The following ADARB2 variants were observed in gnomAD, a reference collection of about 807,000 sequenced individuals.
The protein encoded by ADARB2 is inactive double-stranded RNA-specific editase B2.
A neutral mutation model predicts 62.2 loss-of-function variants in ADARB2; 25 were observed. The ratio of observed to expected loss-of-function variants is 0.40; its 90% CI spans 0.29 to 0.56. ADARB2 has a LOEUF of 0.56. Among genes scored for constraint, ADARB2 ranks in the 20% least tolerant of loss-of-function variants. ADARB2 has a pLI of 0.43. For missense variants in ADARB2, 1,071 were observed against 1,077.4 expected, an observed-to-expected ratio of 0.99 and a Z score of 0.08; for synonymous variants, 572 against 500.8, an observed-to-expected ratio of 1.14 and a Z score of -1.90.
chr10:1,480,486 CAGG>C (rs1431459948), intron 1 of ADARB2, among the ~76,000 whole-genome samples: 1 of 152,170 alleles, frequency 6.6e-6, no homozygotes, highest in Non-Finnish European at 1.5e-5. Flanking sequence ...GTCACTAGGT[CAGG>C]AGATTGAGAC....
chr10:1,666,473 C>G (rs999394854), intron 1 of ADARB2, among the ~76,000 whole-genome samples: 1 of 152,250 alleles, frequency 6.6e-6, no homozygotes, highest in Non-Finnish European at 1.5e-5. Flanking sequence ...TTCCCCCAAT[C>G]GTGTTCCCGC....
chr10:1,629,542 C>G (rs1833816757), intron 1 of ADARB2, among the ~76,000 whole-genome samples: 1 of 132,308 alleles, frequency 7.6e-6, no homozygotes, highest in African/African-American at 2.8e-5. Context: ...CCCCAGTACT[C>G]AAACCCCCCC....
At chr10:1,327,232 C>A (rs1195945447) in intron 3 of ADARB2, among the ~76,000 whole-genome samples, 2 of 109,400 alleles carry the variant, frequency 1.8e-5, no homozygotes, top group African/African-American at 3.4e-5. Flanking sequence ...CGCCTCCCCA[C>A]GGCACAGCAC....
At chr10:1,374,788 C>T (rs1278322948) in intron 2 of ADARB2, among the ~76,000 whole-genome samples, 2 of 152,218 alleles carry the variant, frequency 1.3e-5, no homozygotes, top group African/African-American at 2.4e-5. Flanking sequence ...GACGGGCTCC[C>T]GGGAGTTAGT....
intron 3 of ADARB2, among the ~76,000 whole-genome samples, chr10:1,355,092 C>T (rs1445463398): frequency 6.6e-6 from 1 of 151,954 alleles, no homozygotes; most frequent in Non-Finnish European, 1.5e-5. Context: ...AGGTATGTGT[C>T]CCTCCCCTGG....
chr10:1,219,505 T>C (rs1475341556), intron 6 of ADARB2, among the ~76,000 whole-genome samples: 1 of 152,230 alleles, frequency 6.6e-6, no homozygotes, highest in Non-Finnish European at 1.5e-5. Context: ...TGTAACCAAC[T>C]AGATACTTGA....
intron 3 of ADARB2, among the ~76,000 whole-genome samples, chr10:1,297,422 C>A (rs546369186): frequency 1.3e-5 from 2 of 152,158 alleles, no homozygotes; most frequent in Non-Finnish European, 2.9e-5. Context: ...GATTTTTAGC[C>A]GTTGAAATGG....
intron 1 of ADARB2, 103 bp from the exon 2 acceptor site, chr10:1,379,263 G>T: frequency 1.1e-6 from 1 of 943,406 alleles, no homozygotes; most frequent in Non-Finnish European, 1.7e-6. Context: ...GGGAGGTGGA[G>T]AGGTCACTTT....
At chr10:1,258,965 C>A (rs1439587049) in intron 4 of ADARB2, among the ~76,000 whole-genome samples, 1 of 152,224 alleles carries the variant, frequency 6.6e-6, no homozygotes, top group Non-Finnish European at 1.5e-5. Context: ...GACCACAGTG[C>A]AATCAAACTG....
At chr10:1,411,948 C>A (rs927708021) in intron 1 of ADARB2, among the ~76,000 whole-genome samples, 5 of 152,196 alleles carry the variant, frequency 3.3e-5, no homozygotes, top group African/African-American at 1.2e-4. Flanking sequence ...TTTAAAACAG[C>A]CTTTACTCAG....
chr10:1,427,914 A>C (rs1215947150), intron 1 of ADARB2, among the ~76,000 whole-genome samples: 1 of 152,182 alleles, frequency 6.6e-6, no homozygotes, highest in Non-Finnish European at 1.5e-5. Flanking sequence ...ATCTGTATAC[A>C]CAACTTAGAT....
intron 1 of ADARB2, among the ~76,000 whole-genome samples, chr10:1,392,609 G>A (rs1440636122): frequency 6.6e-6 from 1 of 152,136 alleles, no homozygotes; most frequent in Non-Finnish European, 1.5e-5. Context: ...AGGTTTTTAG[G>A]AGGAACATGG....
At chr10:1,557,055 A>T in intron 1 of ADARB2, 1 of 356,406 alleles carries the variant, frequency 2.8e-6, no homozygotes, top group South Asian at 2.1e-5. Context: ...CCCTCCTTGG[A>T]AACCTCAGTT....
chr10:1,377,904 C>T (rs1832448544), intron 2 of ADARB2, among the ~76,000 whole-genome samples: 1 of 152,132 alleles, frequency 6.6e-6, no homozygotes, highest in Admixed American at 6.5e-5. Flanking sequence ...CTGGGAAGGG[C>T]TGTGTTTCCC....
At chr10:1,705,064 T>TA (rs573573798) in intron 1 of ADARB2, among the ~76,000 whole-genome samples, 53 of 152,326 alleles carry the variant, frequency 3.5e-4, no homozygotes, top group South Asian at 2.1e-3. Flanking sequence ...ATAATTTCAT[T>TA]AAAAAAATAA....
chr10:1,526,141 G>T (rs1174051740), intron 1 of ADARB2, among the ~76,000 whole-genome samples: 1 of 152,226 alleles, frequency 6.6e-6, no homozygotes, highest in East Asian at 1.9e-4. Context: ...GCAGCAGGGC[G>T]GTCTTGCACT....
rs1031667945 is a variant in ADARB2, at chr10:1,178,741, A to C, written c.*4452T>G. Reference sequence around the variant, plus strand: ...ACCTCCAACCGCGAGCTCTGCAAAAACTGCAGGCGAGGACAGGCTTTGGAG... The same window carrying C: ...ACCTCCAACCGCGAGCTCTGCAAAACCTGCAGGCGAGGACAGGCTTTGGAG... On this transcript the variant is annotated 3_prime_UTR_variant, in exon 10 of 10. Coordinates refer to ENST00000381312, the MANE Select transcript of ADARB2 (RefSeq NM_018702.4). 2.0e-5 allele frequency: 3 copies of C among 152,090 alleles called. No individual in the cohort carries two copies. The highest frequency in any genetic ancestry group is 7.2e-5 in the African/African-American group (3 of 41,390). 9.4% of individuals were successfully genotyped at this position (152,090 alleles called of 1,614,324 possible).
At chr10:1,285,992 G>A (rs1831409264) in intron 3 of ADARB2, among the ~76,000 whole-genome samples, 1 of 152,096 alleles carries the variant, frequency 6.6e-6, no homozygotes, top group South Asian at 2.1e-4. Context: ...GCACGTGGGT[G>A]GGGCAATGCG....
intron 3 of ADARB2, among the ~76,000 whole-genome samples, chr10:1,293,958 T>C (rs911071978): frequency 6.6e-6 from 1 of 151,740 alleles, no homozygotes; most frequent in Non-Finnish European, 1.5e-5. Context: ...AAAGACAGCA[T>C]CTGTGGCTTG....
Sources: gnomAD v4.1 joint callset for allele counts (sites outside exome capture counted in the v4.1 genomes callset) on GRCh38, gnomAD v4.1.1 for gene constraint, MANE v1.5 for transcripts, NCBI Gene and HGNC (gene_info 2026-07-23, HGNC 2026-07-21) for gene names.